TENM3: variants seen among roughly 807,000 people sequenced by gnomAD.
The protein encoded by TENM3 is teneurin transmembrane protein 3.
Under a neutral mutation model 255.1 loss-of-function variants are expected in TENM3, and 63 were observed. That is an observed-to-expected ratio of 0.25 (90% CI 0.20 to 0.30). TENM3 has a LOEUF of 0.30. Among genes scored for constraint, TENM3 ranks in the 10% least tolerant of loss-of-function variants. The pLI is 1.00. For missense variants in TENM3, 2,929 were observed against 3,461.1 expected, an observed-to-expected ratio of 0.85 and a Z score of 3.86; for synonymous variants, 1,306 against 1,322.3, an observed-to-expected ratio of 0.99 and a Z score of 0.27.
the TENM3 span, among the ~76,000 whole-genome samples, chr4:181,881,274 TATGTTACTTCTCA>T: frequency 3.9e-5 from 6 of 152,102 alleles, no homozygotes; most frequent in Non-Finnish European, 8.8e-5. Flanking sequence ...CTCAATCAAT[TATGTTACTTCTCA>T]CCAATTTTCT....
chr4:181,469,514 AT>A, the TENM3 span, among the ~76,000 whole-genome samples: 1 of 152,112 alleles, frequency 6.6e-6, no homozygotes, highest in African/African-American at 2.4e-5. Flanking sequence ...ACACTTGCAT[AT>A]TTTTTCTAAG....
chr4:182,145,808 C>T (rs1184717216), intron 1 of TENM3, among the ~76,000 whole-genome samples: 5 of 152,314 alleles, frequency 3.3e-5, no homozygotes, highest in African/African-American at 1.2e-4. Context: ...TCATCATGCT[C>T]TATTTCTTAT....
At chr4:182,044,527 G>C in the TENM3 span, among the ~76,000 whole-genome samples, 1 of 152,238 alleles carries the variant, frequency 6.6e-6, no homozygotes, top group African/African-American at 2.4e-5. Flanking sequence ...AAAGGGCACT[G>C]AGAAGAAAAG....
In TENM3 at chr4:182,279,115, A is replaced by G. The variant is rs939778786; in HGVS notation, c.-76+35639A>G. ...TTCGAAGTTGCTTAGCTAGCCTATG[A>G]AAACCCACATCAGTTACTAAAATGA... is the stretch of plus-strand genomic sequence containing the variant. On this transcript the variant is annotated intron_variant, in intron 1 of 27. Transcript: ENST00000511685. Among the ~76,000 whole-genome samples the G allele has an allele frequency of 3.9e-5, 6 of 152,216 alleles. No homozygotes were observed. The East Asian group carries it at 1.2e-3, about 29-fold the overall frequency.
intron 4 of TENM3, among the ~76,000 whole-genome samples, chr4:182,625,033 T>C (rs561857619): frequency 2.0e-5 from 3 of 152,342 alleles, no homozygotes; most frequent in Non-Finnish European, 4.4e-5. Flanking sequence ...ATAGGCATTT[T>C]ATTCTTCACC....
the TENM3 span, among the ~76,000 whole-genome samples, chr4:181,615,664 T>A: frequency 1.1e-4 from 16 of 152,306 alleles, no homozygotes; most frequent in African/African-American, 3.6e-4. Context: ...GTGCTCCTAC[T>A]AATGCTTAGA....
At chr4:182,254,413 GAT>G (rs2150130381) in intron 1 of TENM3, among the ~76,000 whole-genome samples, 1 of 151,536 alleles carries the variant, frequency 6.6e-6, no homozygotes, top group South Asian at 2.1e-4. Flanking sequence ...AAGAGAATAA[GAT>G]AAAAATATTT....
chr4:181,959,115 C>T, the TENM3 span, among the ~76,000 whole-genome samples: 1 of 152,066 alleles, frequency 6.6e-6, no homozygotes, highest in Non-Finnish European at 1.5e-5. Context: ...AAATTCTGTA[C>T]ATATTATATC....
At chr4:182,452,681 GATTC>G (rs956712946) in intron 3 of TENM3, among the ~76,000 whole-genome samples, 13 of 152,292 alleles carry the variant, frequency 8.5e-5, no homozygotes, top group Admixed American at 1.3e-4. Flanking sequence ...CACGTGAAGT[GATTC>G]ATATCCAGAA....
the TENM3 span, among the ~76,000 whole-genome samples, chr4:181,929,356 A>G: frequency 1.4e-5 from 2 of 142,362 alleles, no homozygotes; most frequent in Non-Finnish European, 3.0e-5. Flanking sequence ...TGGAAAGGCA[A>G]AAAAAAAAAA....
At chr4:181,657,804 A>AT in the TENM3 span, among the ~76,000 whole-genome samples, 1 of 76 alleles carries the variant, frequency 0.013, no homozygotes, top group Non-Finnish European at 0.12. Context: ...AACTATATAT[A>AT]AAAAAAAAAA....
At chr4:182,286,901 C>T (rs916659183) in intron 1 of TENM3, among the ~76,000 whole-genome samples, 10 of 152,084 alleles carry the variant, frequency 6.6e-5, no homozygotes, top group Admixed American at 3.3e-4. Flanking sequence ...ACAGTCCAGA[C>T]GGAAACTCTT....
At chr4:181,648,144 A>G in the TENM3 span, among the ~76,000 whole-genome samples, 2 of 152,184 alleles carry the variant, frequency 1.3e-5, no homozygotes, top group Non-Finnish European at 2.9e-5. Flanking sequence ...TATTGGAGAC[A>G]GGGTAGCAGA....
intron 3 of TENM3, among the ~76,000 whole-genome samples, chr4:182,406,303 A>G (rs1432958667): frequency 6.6e-6 from 1 of 151,650 alleles, no homozygotes; most frequent in African/African-American, 2.4e-5. Context: ...AGACTCCATC[A>G]AAAAAAATAA....
At chr4:182,385,780 T>G (rs1327345267) in intron 3 of TENM3, among the ~76,000 whole-genome samples, 2 of 152,210 alleles carry the variant, frequency 1.3e-5, no homozygotes, top group African/African-American at 2.4e-5. Flanking sequence ...AATTGAGAAT[T>G]TCTTAAAACT....
At chr4:181,825,982 A>G in the TENM3 span, among the ~76,000 whole-genome samples, 1 of 152,206 alleles carries the variant, frequency 6.6e-6, no homozygotes, top group Non-Finnish European at 1.5e-5. Flanking sequence ...CTAGCGCAGG[A>G]CCAACACTTG....
At chr4:182,253,024 C>T (rs999356162) in intron 1 of TENM3, among the ~76,000 whole-genome samples, 1 of 152,302 alleles carries the variant, frequency 6.6e-6, no homozygotes, top group East Asian at 1.9e-4. Flanking sequence ...ACGAAACTAC[C>T]TCTGAAAGGA....
rs370124240 is a variant in TENM3, at chr4:182,681,860, C to T, written c.1881C>T (p.His627=). The T allele has an allele frequency of 8.2e-5, 132 of 1,613,640 alleles. 1 individual carries two copies. The highest frequency in any genetic ancestry group is 8.2e-5 in the Non-Finnish European group (97 of 1,179,802). Residue 627 remains histidine (H), a synonymous_variant, in exon 11 of 28, where the codon CAC becomes CAT. Coordinates refer to ENST00000511685, the MANE Select transcript of TENM3 (RefSeq NM_001080477.4). ...PGCSNHGVCI[H]GECHCSPGWG... Reference sequence around the variant, plus strand: ...GTTCTAATCATGGTGTGTGTATCCACGGGGAATGTCACTGCAGTCCAGGAT... The same window carrying T: ...GTTCTAATCATGGTGTGTGTATCCATGGGGAATGTCACTGCAGTCCAGGAT...
the TENM3 span, among the ~76,000 whole-genome samples, chr4:181,458,154 T>A: frequency 3.2e-4 from 48 of 152,028 alleles, 1 homozygote; most frequent in African/African-American, 1.1e-3. Flanking sequence ...TCATATATAG[T>A]GTTAGCTTAA....
Sources: gnomAD v4.1 joint callset for allele counts (sites outside exome capture counted in the v4.1 genomes callset) on GRCh38, gnomAD v4.1.1 for gene constraint, MANE v1.5 for transcripts, NCBI Gene and HGNC (gene_info 2026-07-23, HGNC 2026-07-21) for gene names.